Variants in UBASH3B observed in about 807,000 individuals in gnomAD.
The protein encoded by UBASH3B is ubiquitin-associated and SH3 domain-containing protein B.
A neutral mutation model predicts 83.4 loss-of-function variants in UBASH3B; 37 were observed. The ratio of observed to expected loss-of-function variants is 0.44; its 90% confidence interval spans 0.34 to 0.58. The LOEUF (loss-of-function observed/expected upper bound fraction) is 0.58. UBASH3B is among the 20% of genes least tolerant of loss of function. The pLI is 0.01. For synonymous variants in UBASH3B, 304 were observed against 318.3 expected (o/e 0.96, Z 0.48); for missense variants, 657 against 827.2 (o/e 0.79, Z 2.52).
rs182890875 is a variant in UBASH3B, at chr11:122,744,806, T to C, written c.162-31413T>C. On this transcript the variant is annotated intron_variant, in intron 1 of 13. Transcript: ENST00000284273. ...AGTGATCATGTGTGTGACTGTGTGA[T>C]CGTGTGTGATTATATATGTGTGTGG... is the stretch of plus-strand genomic sequence containing the variant. Among the ~76,000 whole-genome samples the C allele has an allele frequency of 7.1e-4, 108 of 151,620 alleles. 1 individual carries two copies. The highest frequency in any genetic ancestry group is 5.9e-3 in the Admixed American group (90 of 15,202).
chr11:122,704,912 C>T (rs1864095042), intron 1 of UBASH3B, among the ~76,000 whole-genome samples: 1 of 152,008 alleles, frequency 6.6e-6, no homozygotes. Flanking sequence ...TTATGTTTTC[C>T]TTATTTGGGG....
chr11:122,748,761 G>A (rs2840376), intron 1 of UBASH3B, among the ~76,000 whole-genome samples: 18,571 of 152,100 alleles, frequency 0.12, 1,313 homozygotes, highest in South Asian at 0.22. Flanking sequence ...AACTCTAAGC[G>A]CCTACCAACC....
chr11:122,721,266 A>AG (rs1195290812), intron 1 of UBASH3B, among the ~76,000 whole-genome samples: 1 of 150,736 alleles, frequency 6.6e-6, no homozygotes, highest in African/African-American at 2.5e-5. Context: ...AAAAAAAAAA[A>AG]AAGAATGAAT....
At chr11:122,707,778 A>G (rs891840929) in intron 1 of UBASH3B, among the ~76,000 whole-genome samples, 1 of 49,602 alleles carries the variant, frequency 2.0e-5, no homozygotes, top group Non-Finnish European at 6.3e-5. Context: ...GGCTCACTGC[A>G]ACCTCCGCCT....
Position 122,762,794 on chromosome 11 carries a change from G to C in UBASH3B, c.162-13425G>C, listed in dbSNP as rs138610732. Among the ~76,000 whole-genome samples the C allele has an allele frequency of 4.0e-3, 614 of 152,258 alleles. 6 individuals carry two copies. The highest frequency in any genetic ancestry group is 0.014 in the African/African-American group (574 of 41,544). ...TACCAGATGGTTGTAGATTATTTTAGCAGAGAAAGAATCTGGGTCTTCTGG... is the reference window on the plus strand; with the variant it reads ...TACCAGATGGTTGTAGATTATTTTACCAGAGAAAGAATCTGGGTCTTCTGG... On this transcript the variant is annotated intron_variant, in intron 1 of 13. Transcript: ENST00000284273.
intron 1 of UBASH3B, among the ~76,000 whole-genome samples, chr11:122,699,686 G>A (rs748155869): frequency 7.9e-5 from 12 of 151,612 alleles, no homozygotes; most frequent in Admixed American, 7.9e-4. Flanking sequence ...GGGCTCAAGC[G>A]ATCCTCCCAC....
chr11:122,733,983 C>G lies in UBASH3B; in HGVS notation c.162-42236C>G, dbSNP rs1382373509. Among the ~76,000 whole-genome samples the G allele has an allele frequency of 2.6e-5, 4 of 151,984 alleles. No individual in the cohort carries two copies. The South Asian group carries it at 8.3e-4, about 31-fold the overall frequency. On this transcript the variant is annotated intron_variant, in intron 1 of 13. Transcript: ENST00000284273. ...TCACTGTAACCTCCGCCTCCTGTGT[C>G]CAAGCAATTCTCATGCCTCAGCCTC...
intron 1 of UBASH3B, among the ~76,000 whole-genome samples, chr11:122,728,007 A>T (rs1024809233): frequency 2.2e-4 from 34 of 151,396 alleles, no homozygotes; most frequent in Middle Eastern, 3.4e-3. Flanking sequence ...CATTATTATT[A>T]TTATTATTAT....
At chr11:122,701,701 T>G (rs1490454628) in intron 1 of UBASH3B, among the ~76,000 whole-genome samples, 1 of 152,140 alleles carries the variant, frequency 6.6e-6, no homozygotes, top group African/African-American at 2.4e-5. Flanking sequence ...ATAGGATTAA[T>G]TCTTTCCTTT....
chr11:122,705,454 TAA>T (rs60998227), intron 1 of UBASH3B, among the ~76,000 whole-genome samples: 10 of 59,528 alleles, frequency 1.7e-4, no homozygotes, highest in Non-Finnish European at 1.8e-4. Flanking sequence ...TCGAAAAACA[TAA>T]AAAAAAAAAA....
chr11:122,688,690 G>T (rs915152467), intron 1 of UBASH3B, among the ~76,000 whole-genome samples: 4 of 148,346 alleles, frequency 2.7e-5, no homozygotes, highest in African/African-American at 1.0e-4. Context: ...TGTTGCCCAG[G>T]CTGGAGTGCA....
chr11:122,714,191 C>A (rs777065029), intron 1 of UBASH3B, among the ~76,000 whole-genome samples: 4 of 152,208 alleles, frequency 2.6e-5, no homozygotes, highest in Admixed American at 6.5e-5. Flanking sequence ...TGGGGCTCCC[C>A]CTTCGCTCAT....
intron 1 of UBASH3B, among the ~76,000 whole-genome samples, chr11:122,684,940 C>A (rs949599548): frequency 6.6e-6 from 1 of 152,172 alleles, no homozygotes; most frequent in Non-Finnish European, 1.5e-5. Context: ...GGCTTCCAAG[C>A]AGAGGCTAGA....
chr11:122,770,163 C>A (rs569351430), intron 1 of UBASH3B, among the ~76,000 whole-genome samples: 1 of 152,334 alleles, frequency 6.6e-6, no homozygotes, highest in South Asian at 2.1e-4. Flanking sequence ...TACCGCCACG[C>A]ATGTGAGTCC....
intron 1 of UBASH3B, among the ~76,000 whole-genome samples, chr11:122,673,351 C>G (rs1863624458): frequency 6.6e-6 from 1 of 152,118 alleles, no homozygotes; most frequent in African/African-American, 2.4e-5. Context: ...TAACTCCTTA[C>G]CATAGAAAGT....
chr11:122,744,249 T>C (rs7106908), intron 1 of UBASH3B, among the ~76,000 whole-genome samples: 11,797 of 152,100 alleles, frequency 0.078, 965 homozygotes, highest in African/African-American at 0.21. Flanking sequence ...TGAGGTTCTG[T>C]GTGAGTTTGT....
chr11:122,812,598 A>T lies in UBASH3B; in HGVS notation c.*2712A>T, dbSNP rs1367563011. 1 of 152,250 alleles carries T rather than the reference A, an allele frequency of 6.6e-6. No homozygotes were observed. Among genetic ancestry groups the T allele is most frequent in the African/African-American group, 2.4e-5 (1 of 41,468 alleles). The allele number at this position is 152,250 out of a possible 1,614,324, so 9.4% of individuals were successfully genotyped here. Reference sequence around the variant, plus strand: ...TTCTTGTACAGAGGAATTTTGTTTTAATGTAGAAAGTTATTTGAAATAAAC... The same window carrying T: ...TTCTTGTACAGAGGAATTTTGTTTTTATGTAGAAAGTTATTTGAAATAAAC... On this transcript the variant is annotated 3_prime_UTR_variant, in exon 14 of 14. Coordinates refer to ENST00000284273, the MANE Select transcript of UBASH3B (RefSeq NM_032873.5).
rs1481664877 is a variant in UBASH3B, at chr11:122,811,013, C to T, written c.*1127C>T. 6.6e-6 allele frequency: 1 copy of T among 152,340 alleles called. No homozygotes were observed. The highest frequency in any genetic ancestry group is 2.4e-5 in the African/African-American group (1 of 41,426). The allele number at this position is 152,340 out of a possible 1,614,324, so 9.4% of individuals were successfully genotyped here. On this transcript the variant is annotated 3_prime_UTR_variant, in exon 14 of 14. Transcript: ENST00000284273. ...AGTCATGGCTGCACTGCTACTTGTG[C>T]TGTCGTTTTGTTTGTTTTTCTATGA...
intron 2 of UBASH3B, 68 bp from the exon 3 acceptor site, chr11:122,776,956 C>T: frequency 2.8e-6 from 4 of 1,431,078 alleles, no homozygotes; most frequent in Non-Finnish European, 3.8e-6. Context: ...GTGGATCTGT[C>T]TCTCAGTTCT....
Sources: gnomAD v4.1 joint callset for allele counts (sites outside exome capture counted in the v4.1 genomes callset) on GRCh38, gnomAD v4.1.1 for gene constraint, MANE v1.5 for transcripts, NCBI Gene and HGNC (gene_info 2026-07-23, HGNC 2026-07-21) for gene names.